Variants in CDKAL1 observed in about 807,000 individuals in gnomAD.
CDKAL1 encodes the protein threonylcarbamoyladenosine tRNA methylthiotransferase.
In CDKAL1, 32 loss-of-function variants were observed where a neutral mutation model predicts 68.2. The ratio of observed to expected loss-of-function variants is 0.47; its 90% CI spans 0.35 to 0.63. The LOEUF (loss-of-function observed/expected upper bound fraction) is 0.63. CDKAL1 is among the 30% of genes least tolerant of loss of function. The probability of loss-of-function intolerance (pLI) is 0.00; values close to 1 mark genes in which losing one functional copy is unlikely to be tolerated. For synonymous variants in CDKAL1, 234 were observed against 244.3 expected, an observed-to-expected ratio of 0.96 and a Z score of 0.39; for missense variants, 606 against 696.7, an observed-to-expected ratio of 0.87 and a Z score of 1.47.
intron 8 of CDKAL1, among the ~76,000 whole-genome samples, chr6:20,805,397 A>G (rs1776530934): frequency 6.6e-6 from 1 of 152,214 alleles, no homozygotes; most frequent in Non-Finnish European, 1.5e-5. Context: ...CTAACTCCAC[A>G]GTGTTTTCAG....
intron 10 of CDKAL1, among the ~76,000 whole-genome samples, chr6:20,964,170 C>T (rs549369227): frequency 3.3e-5 from 5 of 152,086 alleles, no homozygotes; most frequent in South Asian, 2.1e-4. Context: ...CAGATGCTGG[C>T]GAGGGTACGG....
chr6:20,807,971 G>T (rs1466235180), intron 8 of CDKAL1, among the ~76,000 whole-genome samples: 4 of 152,212 alleles, frequency 2.6e-5, no homozygotes, highest in African/African-American at 9.7e-5. Flanking sequence ...TAAATGACAT[G>T]CTGAAAGGTA....
At chr6:20,676,790 A>T (rs1236976276) in intron 5 of CDKAL1, among the ~76,000 whole-genome samples, 1 of 152,160 alleles carries the variant, frequency 6.6e-6, no homozygotes, top group Non-Finnish European at 1.5e-5. Flanking sequence ...AGTTATCCAC[A>T]GCATCTAGTG....
At chr6:21,035,066 T>G (rs1769500588) in intron 11 of CDKAL1, among the ~76,000 whole-genome samples, 1 of 152,162 alleles carries the variant, frequency 6.6e-6, no homozygotes, top group African/African-American at 2.4e-5. Context: ...AGACACCATA[T>G]TAAGAACTCT....
At chr6:21,125,422 C>T (rs1474125589) in intron 13 of CDKAL1, among the ~76,000 whole-genome samples, 1 of 152,176 alleles carries the variant, frequency 6.6e-6, no homozygotes, top group Admixed American at 6.5e-5. Flanking sequence ...CCTATAATCC[C>T]AGCACTTTGG....
chr6:21,180,853 G>C lies in CDKAL1; in HGVS notation c.1300-17168G>C, dbSNP rs573054770. ...GCATTAGTTTGAATGTATCTCTAAA[G>C]CTTATGTGTTAGAAACTTGTCTTAG... On this transcript the variant is annotated intron_variant, in intron 13 of 15. Coordinates refer to ENST00000274695, the MANE Select transcript of CDKAL1 (RefSeq NM_017774.3). Among the ~76,000 whole-genome samples the C allele has an allele frequency of 3.3e-5, 5 of 152,212 alleles. No individual in the cohort carries two copies. The East Asian group carries it at 9.7e-4, about 29-fold the overall frequency.
intron 9 of CDKAL1, among the ~76,000 whole-genome samples, chr6:20,903,202 A>G (rs1002164227): frequency 6.6e-6 from 1 of 152,090 alleles, no homozygotes; most frequent in African/African-American, 2.4e-5. Context: ...CTAACACACA[A>G]ACGCAGACAC....
At chr6:20,769,019 A>G (rs1774819655) in intron 7 of CDKAL1, among the ~76,000 whole-genome samples, 1 of 152,050 alleles carries the variant, frequency 6.6e-6, no homozygotes, top group African/African-American at 2.4e-5. Context: ...GGTAAGGATC[A>G]TATCACTCAG....
At chr6:21,167,028 GATA>G (rs1428836720) in intron 13 of CDKAL1, among the ~76,000 whole-genome samples, 7 of 152,294 alleles carry the variant, frequency 4.6e-5, no homozygotes, top group African/African-American at 1.7e-4. Flanking sequence ...GTGTCCTAGA[GATA>G]ATGATACTTC....
chr6:20,721,084 T>C (rs1323529555), intron 5 of CDKAL1, among the ~76,000 whole-genome samples: 1 of 152,092 alleles, frequency 6.6e-6, no homozygotes, highest in African/African-American at 2.4e-5. Flanking sequence ...TTACATTAGG[T>C]ATATCTCCTA....
chr6:20,784,908 T>A (rs9368234), intron 8 of CDKAL1, among the ~76,000 whole-genome samples: 146,010 of 152,274 alleles, frequency 0.96, 70,016 homozygotes, highest in East Asian at 1. Flanking sequence ...TTTACAATTT[T>A]AAATTTTAAA....
intron 7 of CDKAL1, among the ~76,000 whole-genome samples, chr6:20,764,397 T>C (rs148410411): frequency 6.6e-6 from 1 of 152,308 alleles, no homozygotes; most frequent in East Asian, 1.9e-4. Flanking sequence ...CAACGTGGTA[T>C]ATAATTTGCA....
chr6:20,851,506 A>G (rs1759010781), intron 9 of CDKAL1, among the ~76,000 whole-genome samples: 1 of 152,164 alleles, frequency 6.6e-6, no homozygotes, highest in Non-Finnish European at 1.5e-5. Context: ...GAGATGATGG[A>G]TGAGCTGTTT....
intron 9 of CDKAL1, among the ~76,000 whole-genome samples, chr6:20,860,933 A>ATTTTTTTTTTTTTTTTTTTTTTTTTAT (rs70990075): frequency 7.4e-6 from 1 of 134,230 alleles, no homozygotes; most frequent in South Asian, 2.4e-4. Context: ...AGTGTGGTCT[A>ATTTTTTTTTTTTTTTTTTTTTTTTTAT]TTTTTTTTTT....
At chr6:20,781,109 C>T in intron 7 of CDKAL1, 36 bp from the exon 8 acceptor site, 1 of 1,598,638 alleles carries the variant, frequency 6.3e-7, no homozygotes, top group South Asian at 1.1e-5. Context: ...AAGTGTGTAA[C>T]TCTTGCTAAT....
rs1284026255 is a variant in CDKAL1 at position 20,776,342 on chromosome 6, T to G, written c.518-4803T>G. ...GAGAGTTTAACTTATCTTGAAAATC[T>G]GTGGAATCCAACATGCCAAATGCTT... On this transcript the variant is annotated intron_variant, in intron 7 of 15. Coordinates refer to ENST00000274695, the MANE Select transcript of CDKAL1 (RefSeq NM_017774.3). Among the ~76,000 whole-genome samples, 4 of 152,234 alleles carry G rather than the reference T, an allele frequency of 2.6e-5. 1 individual carries two copies.
intron 9 of CDKAL1, among the ~76,000 whole-genome samples, chr6:20,864,354 G>A (rs1472643492): frequency 6.6e-6 from 1 of 152,044 alleles, no homozygotes; most frequent in African/African-American, 2.4e-5. Flanking sequence ...AAATTATTGA[G>A]TTTTTTTCTA....
At chr6:20,677,106 T>C (rs1770150622) in intron 5 of CDKAL1, among the ~76,000 whole-genome samples, 1 of 152,214 alleles carries the variant, frequency 6.6e-6, no homozygotes, top group African/African-American at 2.4e-5. Flanking sequence ...AGTCTTGCTC[T>C]GTTGCCCAAG....
chr6:21,004,584 AT>A (rs1246998941), intron 11 of CDKAL1, among the ~76,000 whole-genome samples: 1 of 152,204 alleles, frequency 6.6e-6, no homozygotes, highest in Non-Finnish European at 1.5e-5. Context: ...GGATAAGATG[AT>A]TTTTTGAAGT....
Sources: allele counts gnomAD v4.1 joint callset (sites outside exome capture counted in the v4.1 genomes callset), GRCh38; gene constraint gnomAD v4.1.1; transcripts MANE v1.5; gene names NCBI Gene and HGNC (gene_info 2026-07-23, HGNC 2026-07-21).